The following NDST3 variants were observed in gnomAD, a reference collection of about 807,000 sequenced individuals.
NDST3 encodes the protein N-deacetylase and N-sulfotransferase 3, also known as bifunctional heparan sulfate N-deacetylase/N-sulfotransferase 3.
In NDST3, 58 loss-of-function variants were observed where a neutral mutation model predicts 96.1. The ratio of observed to expected loss-of-function variants is 0.60; its 90% confidence interval spans 0.49 to 0.75. The LOEUF (loss-of-function observed/expected upper bound fraction) is 0.75. NDST3 is among the 30% of genes least tolerant of loss of function. The pLI, the probability that NDST3 is intolerant of heterozygous loss-of-function variation, is 0.00. For synonymous variants in NDST3, 333 were observed against 359.7 expected (o/e 0.93, Z 0.84); for missense variants, 788 against 1,034.2 (o/e 0.76, Z 3.27).
intron 10 of NDST3, among the ~76,000 whole-genome samples, chr4:118,237,943 C>G (rs956054968): frequency 5.9e-5 from 9 of 151,870 alleles, no homozygotes; most frequent in Admixed American, 3.9e-4. Flanking sequence ...CCAGCCTGGG[C>G]AACATAGGGA....
intron 12 of NDST3, among the ~76,000 whole-genome samples, chr4:118,244,740 G>A (rs1741207084): frequency 6.6e-6 from 1 of 152,020 alleles, no homozygotes; most frequent in South Asian, 2.1e-4. Flanking sequence ...ATCACAATAA[G>A]CCCCCAATGT....
intron 2 of NDST3, among the ~76,000 whole-genome samples, chr4:118,092,163 T>C (rs559140901): frequency 4.0e-5 from 6 of 151,576 alleles, no homozygotes; most frequent in Non-Finnish European, 7.4e-5. Flanking sequence ...GCTGCACCCA[T>C]TAACTCGTCA....
At chr4:118,066,089 AT>A (rs1363736842) in intron 2 of NDST3, among the ~76,000 whole-genome samples, 1 of 43,938 alleles carries the variant, frequency 2.3e-5, no homozygotes, top group Non-Finnish European at 6.4e-5. Context: ...CATATTATAT[AT>A]TATATATATT....
At chr4:118,041,381 C>T (rs1333887674) in intron 1 of NDST3, among the ~76,000 whole-genome samples, 1 of 152,158 alleles carries the variant, frequency 6.6e-6, no homozygotes, top group African/African-American at 2.4e-5. Flanking sequence ...CTTCCCATAT[C>T]ATATTATTTC....
intron 13 of NDST3, 35 bp downstream of exon 13, chr4:118,253,636 G>T: frequency 7.3e-7 from 1 of 1,366,286 alleles, no homozygotes; most frequent in Non-Finnish European, 1.0e-6. Context: ...AACTAAATCA[G>T]CAAAATGGTA....
chr4:118,200,735 A>G (rs1237470808), intron 6 of NDST3, among the ~76,000 whole-genome samples: 1 of 152,196 alleles, frequency 6.6e-6, no homozygotes, highest in African/African-American at 2.4e-5. Context: ...TCTGCATATC[A>G]GTAGGCATCC....
chr4:118,067,136 A>G (rs1726655628), intron 2 of NDST3, among the ~76,000 whole-genome samples: 1 of 151,398 alleles, frequency 6.6e-6, no homozygotes, highest in Admixed American at 6.6e-5. Context: ...ATGAATAGTT[A>G]TATCCTGCCA....
chr4:118,065,777 A>G (rs997085319), intron 2 of NDST3, among the ~76,000 whole-genome samples: 2 of 151,532 alleles, frequency 1.3e-5, no homozygotes, highest in Non-Finnish European at 2.9e-5. Flanking sequence ...AAAAACAACA[A>G]TGGTGTTTTA....
intron 4 of NDST3, among the ~76,000 whole-genome samples, chr4:118,129,424 C>T (rs1732409544): frequency 6.6e-6 from 1 of 151,678 alleles, no homozygotes; most frequent in South Asian, 2.1e-4. Context: ...TTTCAATTTC[C>T]ATCTTAATTT....
In NDST3 at chr4:118,226,867, A is replaced by C. The variant is rs779035948; in HGVS notation, c.1723-19A>C. ...CATTCATGAAAAAAAATACATCTCT[A>C]TGTTCTTCTCCCATTTAGAATCCTT... is the stretch of plus-strand genomic sequence containing the variant. On this transcript the variant is annotated intron_variant, in intron 7 of 13. Coordinates refer to ENST00000296499, the MANE Select transcript of NDST3 (RefSeq NM_004784.3). 6.4e-7 allele frequency: 1 copy of C among 1,570,326 alleles called. No homozygotes were observed.
At chr4:118,244,426 G>C (rs1262777442) in intron 12 of NDST3, among the ~76,000 whole-genome samples, 1 of 152,084 alleles carries the variant, frequency 6.6e-6, no homozygotes, top group Admixed American at 6.6e-5. Context: ...CTTTGGTATT[G>C]CTTCTTATTT....
chr4:118,174,135 C>A (rs891847089), intron 6 of NDST3, among the ~76,000 whole-genome samples: 2 of 152,186 alleles, frequency 1.3e-5, no homozygotes, highest in African/African-American at 4.8e-5. Flanking sequence ...CTGTTCTCTG[C>A]GGTCTTCCCA....
At chr4:118,100,896 T>C (rs931635403) in intron 2 of NDST3, among the ~76,000 whole-genome samples, 1 of 152,008 alleles carries the variant, frequency 6.6e-6, no homozygotes, top group African/African-American at 2.4e-5. Flanking sequence ...CGCGTGTGTG[T>C]AGATAGACAC....
At chr4:118,084,360 T>A (rs1350952518) in intron 2 of NDST3, among the ~76,000 whole-genome samples, 2 of 152,164 alleles carry the variant, frequency 1.3e-5, no homozygotes, top group Admixed American at 6.5e-5. Context: ...AATTGATTTT[T>A]AAAAAAATAG....
At chr4:118,181,544 A>C (rs556023594) in intron 6 of NDST3, among the ~76,000 whole-genome samples, 9 of 152,328 alleles carry the variant, frequency 5.9e-5, no homozygotes, top group African/African-American at 2.2e-4. Context: ...CCATGGGAGA[A>C]GCAAGATCCA....
At chr4:118,121,390 A>G (rs1489471677) in intron 4 of NDST3, among the ~76,000 whole-genome samples, 3 of 152,202 alleles carry the variant, frequency 2.0e-5, no homozygotes, top group Non-Finnish European at 2.9e-5. Flanking sequence ...TTAGAATTAT[A>G]TATTTTAAGT....
chr4:118,236,173 G>A (rs573412267), intron 9 of NDST3, among the ~76,000 whole-genome samples: 4 of 152,262 alleles, frequency 2.6e-5, no homozygotes, highest in African/African-American at 9.6e-5. Flanking sequence ...ATCCCTAGAA[G>A]CTATATTTTT....
At chr4:118,036,745 T>G (rs78333432) in intron 1 of NDST3, among the ~76,000 whole-genome samples, 16,352 of 152,186 alleles carry the variant, frequency 0.11, 1,169 homozygotes, top group African/African-American at 0.2. Flanking sequence ...CATGTTACTC[T>G]AAACATTTTC....
intron 2 of NDST3, among the ~76,000 whole-genome samples, chr4:118,099,689 T>C (rs1289419899): frequency 6.6e-6 from 1 of 152,090 alleles, no homozygotes; most frequent in Non-Finnish European, 1.5e-5. Context: ...TGAATGTCAA[T>C]TGTGTAGGTA....
Sources: allele counts gnomAD v4.1 joint callset (sites outside exome capture counted in the v4.1 genomes callset), GRCh38; gene constraint gnomAD v4.1.1; transcripts MANE v1.5; gene names NCBI Gene and HGNC (gene_info 2026-07-23, HGNC 2026-07-21).